ADAM33: variants seen among roughly 807,000 people sequenced by gnomAD.
ADAM33 encodes the protein ADAM metallopeptidase domain 33.
A neutral mutation model predicts 106.2 loss-of-function variants in ADAM33; 103 were observed. The observed-to-expected ratio is 0.97, with a 90% CI of 0.83 to 1.14. The LOEUF (loss-of-function observed/expected upper bound fraction) is 1.14. Among genes scored for constraint, ADAM33 ranks in the 50% most tolerant of loss-of-function variants. The pLI is 0.00. For synonymous variants in ADAM33, 483 were observed against 453.0 expected, an observed-to-expected ratio of 1.07 and a Z score of -0.84; for missense variants, 1,120 against 1,096.6, an observed-to-expected ratio of 1.02 and a Z score of -0.30.
At position 3,668,172 on chromosome 20, in the gene ADAM33, C is replaced by T. The variant is rs1210332318; in HGVS notation, c.*791G>A. 6.6e-6 allele frequency: 1 copy of T among 152,450 alleles called. No individual in the cohort carries two copies. Among genetic ancestry groups the T allele is most frequent in the African/African-American group, 2.4e-5 (1 of 41,414 alleles). The allele number at this position is 152,450 out of a possible 1,614,324, so 9.4% of individuals were successfully genotyped here. On this transcript the variant is annotated 3_prime_UTR_variant, in exon 22 of 22. Transcript: ENST00000356518. ...TAAAATTTTTCTGTAGATGCGGTGT[C>T]TTGCTGTGTTGCCCAGGCTGGTGTG...
intron 21 of ADAM33, 62 bp downstream of exon 21, chr20:3,669,237 G>T: frequency 1.4e-6 from 2 of 1,439,424 alleles, no homozygotes; most frequent in South Asian, 1.3e-5. Flanking sequence ...AAACTGAGGG[G>T]TGGGAGAGGT....
At position 3,675,172 on chromosome 20, in the gene ADAM33, G is replaced by T; in HGVS notation, c.255-67C>A. 3 of 1,255,600 alleles carry T rather than the reference G, an allele frequency of 2.4e-6. No homozygotes were observed. Among genetic ancestry groups the T allele is most frequent in the Non-Finnish European group, 3.4e-6 (3 of 875,248 alleles). 77.8% of individuals were successfully genotyped at this position (1,255,600 alleles called of 1,614,324 possible). On this transcript the variant is annotated intron_variant, in intron 3 of 21. Transcript: ENST00000356518. This position sits in a 1 kb window ranked among gnomAD's most constrained non-coding sequence, Gnocchi z 4.1. ...CCTGCCTCCTCCAGGATGTCTCCCA[G>T]CCTTCCTCCCTAAATGCTAATGGAG...
chr20:3,677,280 C>T (rs1396834564), intron 2 of ADAM33, 137 bp from the exon 3 acceptor site: 3 of 647,636 alleles, frequency 4.6e-6, no homozygotes, highest in Non-Finnish European at 5.1e-6. Flanking sequence ...GGACCCCCCA[C>T]ATACTATGGA....
Position 3,673,507 on chromosome 20 carries a change from G to T in ADAM33, c.991-11C>A. Reference sequence around the variant, plus strand: ...GAGCTCCGAGTGGTCCTGGGGGGCCGTGGGAGGGCGGTCACTGCGGCCGTA... The same window carrying T: ...GAGCTCCGAGTGGTCCTGGGGGGCCTTGGGAGGGCGGTCACTGCGGCCGTA... On this transcript the variant is annotated splice_polypyrimidine_tract_variant and intron_variant, in intron 10 of 21. Coordinates refer to ENST00000356518, the MANE Select transcript of ADAM33 (RefSeq NM_025220.5). 1 of 1,477,602 alleles carries T rather than the reference G, an allele frequency of 6.8e-7. No individual in the cohort carries two copies. The allele number at this position is 1,477,602 out of a possible 1,614,324, so 91.5% of individuals were successfully genotyped here.
At chr20:3,670,438 T>C (rs1376933902) in intron 19 of ADAM33, 1 of 160,862 alleles carries the variant, frequency 6.2e-6, no homozygotes, top group Admixed American at 5.7e-5. Flanking sequence ...CTTAGTATTA[T>C]GTGACTCCCC....
At chr20:3,670,287 C>CT (rs1023941211) in intron 19 of ADAM33, 1 of 166,226 alleles carries the variant, frequency 6.0e-6, no homozygotes, top group Non-Finnish European at 1.3e-5. Flanking sequence ...GTTATGCCCT[C>CT]TGCCCCCATC....
Position 3,672,051 on chromosome 20 carries a change from C to A in ADAM33, c.1598-66G>T. ...GGCTGCGCTCAGCGGGCCTCAGTTT[C>A]CCCTGCCCATCTTCCCCACAGTAGA... is the stretch of plus-strand genomic sequence containing the variant. On this transcript the variant is annotated intron_variant, in intron 14 of 21. Transcript: ENST00000356518. The A allele has an allele frequency of 3.2e-6, 5 of 1,562,598 alleles. No homozygotes were observed. The South Asian group carries it at 5.8e-5, about 18-fold the overall frequency.
In ADAM33 at chr20:3,673,744, C is replaced by T. The variant is rs749013571; in HGVS notation, c.905+1G>A. On this transcript the variant is annotated splice_donor_variant, in intron 9 of 21. Transcript: ENST00000356518. LOFTEE classifies it high-confidence loss of function. ...CCCGCGTCCGGGTCAGAGGCACCCA[C>T]GTGAGCAGCTGCGCGGAGTCGTGGG... 5.0e-5 allele frequency: 75 copies of T among 1,498,682 alleles called. No individual in the cohort carries two copies. In the South Asian group the frequency reaches 8.8e-4, roughly 18 times the overall value. The allele number at this position is 1,498,682 out of a possible 1,614,324, so 92.8% of individuals were successfully genotyped here.
rs1225954616 is a variant in ADAM33 at position 3,672,644 on chromosome 20, AG to A, written c.1312-19del. The A allele has an allele frequency of 1.1e-5, 17 of 1,612,924 alleles. No homozygotes were observed. The highest frequency in any genetic ancestry group is 1.4e-5 in the Non-Finnish European group (17 of 1,179,714). On this transcript the variant is annotated intron_variant, in intron 12 of 21. Coordinates refer to ENST00000356518, the MANE Select transcript of ADAM33 (RefSeq NM_025220.5). Reference sequence around the variant, plus strand: ...CGGCACTCCTGGGACCAGAAAGGCAAGAAGGGCCCAGGTGAGGGCGCAGCGC... The same window carrying A: ...CGGCACTCCTGGGACCAGAAAGGCAAAAGGGCCCAGGTGAGGGCGCAGCGC...
chr20:3,677,639 T>C (rs938240779), intron 2 of ADAM33, among the ~76,000 whole-genome samples: 6 of 152,226 alleles, frequency 3.9e-5, no homozygotes, highest in Non-Finnish European at 8.8e-5. Context: ...ACTTCCAATT[T>C]TGGCAAACTG....
chr20:3,679,136 C>CTTTT (rs778392877), intron 2 of ADAM33, among the ~76,000 whole-genome samples: 15,443 of 78,052 alleles, frequency 0.2, 1,749 homozygotes, highest in East Asian at 0.4. Context: ...CTTTTTGGTG[C>CTTTT]TTTTTTTTTT....
intron 19 of ADAM33, chr20:3,670,729 C>A: frequency 2.3e-6 from 1 of 430,100 alleles, no homozygotes; most frequent in Non-Finnish European, 4.2e-6. Flanking sequence ...AGGCAGCCAG[C>A]TGGTGGGAGA....
intron 20 of ADAM33, 87 bp downstream of exon 20, chr20:3,669,459 T>C (rs1280305592): frequency 8.4e-6 from 13 of 1,545,466 alleles, no homozygotes; most frequent in Non-Finnish European, 1.1e-5. Context: ...TCAAGGTGAC[T>C]GGGTGCTGCC....
In ADAM33 at chr20:3,672,269, A is replaced by G; in HGVS notation, c.1462T>C (p.Cys488Arg). ...GGACAGTGGGAGGAGGTGCCCGTGC[A>G]AAACTCAGGGAGGTCACAGTCACCC... is the stretch of plus-strand genomic sequence containing the variant. The part of the protein sequence containing the change: ...AMGDCDLPEF[C>R]TGTSSHCPPD... The change falls in exon 14 of 22, where the codon TGC becomes CGC. Residue 488 changes from cysteine to arginine, a missense_variant. Coordinates refer to ENST00000356518, the MANE Select transcript of ADAM33 (RefSeq NM_025220.5). 1 of 1,613,362 alleles carries G rather than the reference A, an allele frequency of 6.2e-7. No homozygotes were observed. The highest frequency in any genetic ancestry group is 2.2e-5 in the East Asian group (1 of 44,878).
intron 3 of ADAM33, among the ~76,000 whole-genome samples, chr20:3,676,564 A>T (rs369235504): frequency 2.6e-5 from 4 of 151,052 alleles, no homozygotes; most frequent in African/African-American, 9.8e-5. Context: ...TCAGCCCCCT[A>T]AGTAGCTGGG....
At position 3,668,985 on chromosome 20, in the gene ADAM33, A is replaced by G; in HGVS notation, c.2420T>C (p.Met807Thr). 1 of 1,613,930 alleles carries G rather than the reference A, an allele frequency of 6.2e-7. No homozygotes were observed. The highest frequency in any genetic ancestry group is 8.5e-7 in the Non-Finnish European group (1 of 1,179,962). ...CTCTCACCAGAGGCAGGATCTTGGC[A>G]TCTGGACTTGATCTGCTGAGAATGA... ...SPDPQADQVQ[M>T]PRSCLW is the part of the protein sequence containing the mutation. Residue 807 changes from methionine to threonine, a missense_variant, in exon 22 of 22, where the codon ATG (methionine) becomes ACG (threonine). Physicochemically the swap from Met to Thr is moderately conservative, Grantham distance 81. Coordinates refer to ENST00000356518, the MANE Select transcript of ADAM33 (RefSeq NM_025220.5).
Position 3,671,225 on chromosome 20 carries a change from C to G in ADAM33, c.2092+12G>C, listed in dbSNP as rs764201837. 2 of 1,613,388 alleles carry G rather than the reference C, an allele frequency of 1.2e-6. No homozygotes were observed. The highest frequency in any genetic ancestry group is 8.5e-7 in the Non-Finnish European group (1 of 1,179,568). ...ACCCCAGCTCCTGCCCACATGCCCC[C>G]CACTGGCATACTTTCAGCCTGCACA... On this transcript the variant is annotated intron_variant, in intron 18 of 21. Transcript: ENST00000356518.
In ADAM33 at chr20:3,677,130, T is replaced by G. The variant is rs761450362; in HGVS notation, c.191A>C (p.Asp64Ala). ...VSLEEPVSKP[D>A]MGLVALEAEG... ...AGCCTCCAGGGCCACCAGCCCCATG[T>G]CTGGCTTCGAGACCTGGGCAAGAAA... Residue 64 changes from aspartate to alanine, a missense_variant, in exon 3 of 22, where the codon GAC becomes GCC. Coordinates refer to ENST00000356518, the MANE Select transcript of ADAM33 (RefSeq NM_025220.5). 8.7e-6 allele frequency: 14 copies of G among 1,609,938 alleles called. No individual in the cohort carries two copies. The highest frequency in any genetic ancestry group is 1.1e-5 in the Non-Finnish European group (13 of 1,178,030).
intron 2 of ADAM33, among the ~76,000 whole-genome samples, chr20:3,677,904 G>T (rs2088114142): frequency 6.6e-6 from 1 of 152,236 alleles, no homozygotes; most frequent in African/African-American, 2.4e-5. Context: ...CCCAGAGTTG[G>T]AGCCGGCCCA....
Sources: gnomAD v4.1 joint callset for allele counts (sites outside exome capture counted in the v4.1 genomes callset) on GRCh38, gnomAD v4.1.1 for gene constraint, Gnocchi (gnomAD v3.1) non-coding constraint, MANE v1.5 for transcripts, NCBI Gene and HGNC (gene_info 2026-07-23, HGNC 2026-07-21) for gene names.